The following CDC25C variants were observed in gnomAD, a reference collection of about 807,000 sequenced individuals.
CDC25C encodes the protein M-phase inducer phosphatase 3.
In CDC25C, 48 loss-of-function variants were observed where a neutral mutation model predicts 52.5. That is an observed-to-expected ratio of 0.91 (90% confidence interval 0.72 to 1.16). CDC25C has a LOEUF of 1.16. CDC25C is among the 50% of genes most tolerant of loss of function. The probability of loss-of-function intolerance (pLI) is 0.00; values close to 1 mark genes in which losing one functional copy is unlikely to be tolerated. For missense variants in CDC25C, 510 were observed against 566.1 expected (o/e 0.90, Z 1.01); for synonymous variants, 187 against 206.5 (o/e 0.91, Z 0.81).
In CDC25C at chr5:138,325,055, G is replaced by C. The variant is rs570553337; in HGVS notation, c.459+760C>G. Among the ~76,000 whole-genome samples, 330 of 152,314 alleles carry C rather than the reference G, an allele frequency of 2.2e-3. 2 individuals are homozygous for C. The highest frequency in any genetic ancestry group is 7.7e-3 in the Admixed American group (117 of 15,294). ...ACTGCACTCCAGCCTGGGCGATGGA[G>C]CGAGACTCAGTTTCAAAAATAAATG... On this transcript the variant is annotated intron_variant, in intron 6 of 13. Transcript: ENST00000323760.
At chr5:138,306,531 A>C (rs971257494) in intron 7 of CDC25C, among the ~76,000 whole-genome samples, 1 of 152,110 alleles carries the variant, frequency 6.6e-6, no homozygotes, top group Admixed American at 6.6e-5. Context: ...GCAGGAGTGC[A>C]GTGGCGCAAT....
chr5:138,303,542 C>T, intron 7 of CDC25C, among the ~76,000 whole-genome samples: 1 of 152,188 alleles, frequency 6.6e-6, no homozygotes, highest in Non-Finnish European at 1.5e-5. Context: ...GCCAAGCATA[C>T]TCACCTCAGG....
chr5:138,290,771 C>A, intron 8 of CDC25C, 31 bp from the exon 9 acceptor site: 1 of 1,314,370 alleles, frequency 7.6e-7, no homozygotes, highest in South Asian at 1.2e-5. Flanking sequence ...ACCCCACACC[C>A]AATCCTCATG....
intron 11 of CDC25C, 60 bp downstream of exon 11, chr5:138,287,109 T>G: frequency 8.6e-7 from 1 of 1,169,130 alleles, no homozygotes; most frequent in South Asian, 1.3e-5. Flanking sequence ...GTCCACAGAC[T>G]CTTCTCAATA....
rs1760396684 is a variant in CDC25C, at chr5:138,331,687, C to G, written c.-131G>C. The G allele has an allele frequency of 4.0e-6, 4 of 991,590 alleles. No individual in the cohort carries two copies. The highest frequency in any genetic ancestry group is 3.6e-6 in the Non-Finnish European group (3 of 833,294). The allele number at this position is 991,590 out of a possible 1,614,324, so 61.4% of individuals were successfully genotyped here. A position where few individuals can be genotyped will look rare whatever the true frequency, so the allele number is the denominator to read the frequency against. ...AGACTTGAGCAGAATGAAAGGAAAT[C>G]TAGGGGAAAGGAGGTAGTTAACTAG... is the stretch of plus-strand genomic sequence containing the variant. On this transcript the variant is annotated 5_prime_UTR_variant, in exon 1 of 14. Transcript: ENST00000323760.
chr5:138,316,548 C>T (rs1463086443), intron 7 of CDC25C, among the ~76,000 whole-genome samples: 1 of 152,082 alleles, frequency 6.6e-6, no homozygotes, highest in Non-Finnish European at 1.5e-5. Flanking sequence ...AGGCTGGGGA[C>T]CGGGCTGCTA....
At position 138,319,341 on chromosome 5, in the gene CDC25C, AT is replaced by A; in HGVS notation, c.492del (p.Lys164AsnfsTer19). 6.2e-7 allele frequency: 1 copy of A among 1,613,452 alleles called. No individual in the cohort carries two copies. Among genetic ancestry groups the A allele is most frequent in the Non-Finnish European group, 8.5e-7 (1 of 1,179,644 alleles). ...DNGNLVDSEM[K>X]YLGSPITTVP... ...ACAGTAGTAATGGGACTGCCCAAAT[AT>A]TTCATTTCACTGTCCACCAAGTTTC... On this transcript the variant is annotated frameshift_variant, in exon 7 of 14. Coordinates refer to ENST00000323760, the MANE Select transcript of CDC25C (RefSeq NM_001790.5). LOFTEE classifies it high-confidence loss of function.
At chr5:138,290,511 G>A (rs1580706754) in intron 9 of CDC25C, 128 bp downstream of exon 9, 2 of 646,856 alleles carry the variant, frequency 3.1e-6, no homozygotes, top group Admixed American at 2.3e-5. Flanking sequence ...TCTACCACTA[G>A]AGCACTGTCA....
intron 7 of CDC25C, among the ~76,000 whole-genome samples, chr5:138,303,330 T>C (rs1010230759): frequency 6.6e-6 from 1 of 152,142 alleles, no homozygotes; most frequent in African/African-American, 2.4e-5. Flanking sequence ...GGAAAATTGG[T>C]AATATAGGAG....
At chr5:138,310,205 A>G (rs1245355848) in intron 7 of CDC25C, among the ~76,000 whole-genome samples, 1 of 152,002 alleles carries the variant, frequency 6.6e-6, no homozygotes, top group Non-Finnish European at 1.5e-5. Flanking sequence ...GCAATCTTCA[A>G]CCCTTACTAT....
chr5:138,329,121 T>A (rs2126840178), intron 3 of CDC25C, among the ~76,000 whole-genome samples: 1 of 152,252 alleles, frequency 6.6e-6, no homozygotes, highest in Non-Finnish European at 1.5e-5. Context: ...GCCAGGATGG[T>A]CTCGATCTCT....
Position 138,331,611 on chromosome 5 carries a change from G to A in CDC25C, c.-55C>T. The A allele has an allele frequency of 9.8e-7, 1 of 1,015,764 alleles. No homozygotes were observed. Among genetic ancestry groups the A allele is most frequent in the South Asian group, 4.0e-5 (1 of 25,048 alleles). The allele number at this position is 1,015,764 out of a possible 1,614,324, so 62.9% of individuals were successfully genotyped here. A position where few individuals can be genotyped will look rare whatever the true frequency, so the allele number is the denominator to read the frequency against. The stretch of plus-strand genomic sequence containing the variant: ...CGGACTTACCTCAAGCCTGGAGTCT[G>A]AGGCTTGCCTACAAGAGGAGAGAAA... On this transcript the variant is annotated 5_prime_UTR_variant, in exon 1 of 14. Coordinates refer to ENST00000323760, the MANE Select transcript of CDC25C (RefSeq NM_001790.5).
intron 4 of CDC25C, among the ~76,000 whole-genome samples, chr5:138,327,864 T>C (rs1376735546): frequency 6.6e-6 from 1 of 151,952 alleles, no homozygotes; most frequent in African/African-American, 2.4e-5. Flanking sequence ...TACTCTGTAC[T>C]TTCTTTTTTT....
At chr5:138,297,621 G>C (rs1213039857) in intron 7 of CDC25C, among the ~76,000 whole-genome samples, 1 of 152,068 alleles carries the variant, frequency 6.6e-6, no homozygotes, top group Non-Finnish European at 1.5e-5. Flanking sequence ...TCTATCTTTA[G>C]TCAAGTCCTC....
chr5:138,325,952 G>C (rs759050813), intron 5 of CDC25C, 48 bp from the exon 6 acceptor site: 11 of 1,610,272 alleles, frequency 6.8e-6, no homozygotes, highest in Non-Finnish European at 9.3e-6. Flanking sequence ...CAAGCCACAG[G>C]TGCAATGGAA....
rs1300444856 is a variant in CDC25C, at chr5:138,331,249, A to C, written c.-38-31T>G. 2.8e-6 allele frequency: 4 copies of C among 1,424,420 alleles called. No homozygotes were observed. The East Asian group carries it at 9.1e-5, about 32-fold the overall frequency. 88.2% of individuals were successfully genotyped at this position (1,424,420 alleles called of 1,614,324 possible). On this transcript the variant is annotated intron_variant, in intron 1 of 13. Transcript: ENST00000323760. The stretch of plus-strand genomic sequence containing the variant: ...AGGAAAACGTCATCTAAATCGGTAC[A>C]TCACAGTTCCCTCAGCTTTCCTAAA...
upstream of CDC25C, among the ~76,000 whole-genome samples, chr5:138,336,322 C>T (rs1411879706): frequency 2.0e-5 from 3 of 151,892 alleles, no homozygotes; most frequent in African/African-American, 4.8e-5. Context: ...TTAGTAGAGA[C>T]GGGGTTTCAC....
chr5:138,314,384 C>G (rs976346030), intron 7 of CDC25C, among the ~76,000 whole-genome samples: 5 of 151,758 alleles, frequency 3.3e-5, no homozygotes, highest in Non-Finnish European at 5.9e-5. Context: ...CAACCTCCAC[C>G]TCCTGGGTTC....
intron 4 of CDC25C, among the ~76,000 whole-genome samples, chr5:138,328,170 C>T (rs964646118): frequency 6.6e-6 from 1 of 152,136 alleles, no homozygotes; most frequent in African/African-American, 2.4e-5. Context: ...TCCGGCCACT[C>T]TGTACTTTCA....
Sources: gnomAD v4.1 joint callset for allele counts (sites outside exome capture counted in the v4.1 genomes callset) on GRCh38, gnomAD v4.1.1 for gene constraint, MANE v1.5 for transcripts, NCBI Gene and HGNC (gene_info 2026-07-23, HGNC 2026-07-21) for gene names.